CREB5: variants seen among roughly 807,000 people sequenced by gnomAD.
The protein encoded by CREB5 is cyclic AMP-responsive element-binding protein 5.
CREB5 carries 19 observed loss-of-function variants against 57.1 expected under a neutral mutation model. That is an observed-to-expected ratio of 0.33 (90% CI 0.23 to 0.49). The LOEUF is 0.49. Among genes scored for constraint, CREB5 ranks in the 20% least tolerant of loss-of-function variants. The pLI is 0.99. For missense variants in CREB5, 579 were observed against 671.6 expected (o/e 0.86, Z 1.52); for synonymous variants, 238 against 238.3 (o/e 1.00, Z 0.01).
In CREB5 at chr7:28,421,769, C is replaced by CTATATA. The variant is rs151244858; in HGVS notation, c.3+8861_3+8866dup. 2.5e-3 allele frequency among the ~76,000 whole-genome samples: 242 copies of CTATATA among 98,370 alleles called. 1 individual carries two copies. The highest frequency in any genetic ancestry group is 6.6e-3 in the African/African-American group (227 of 34,500). 64.5% of individuals were successfully genotyped at this position (98,370 alleles called of 152,430 possible). A position where few individuals can be genotyped will look rare whatever the true frequency, so the allele number is the denominator to read the frequency against. The stretch of plus-strand genomic sequence containing the variant: ...CCATATATATATACATACACACACA[C>CTATATA]TATATATATATATACCATATATATA... On this transcript the variant is annotated intron_variant, in intron 1 of 10. Transcript: ENST00000357727.
At chr7:28,737,558 T>C (rs866333372) in intron 7 of CREB5, among the ~76,000 whole-genome samples, 5 of 82,768 alleles carry the variant, frequency 6.0e-5, no homozygotes, top group Admixed American at 1.2e-4. Context: ...TATATATATA[T>C]ATATATATAT....
At chr7:28,439,445 A>G (rs1362720490) in intron 1 of CREB5, among the ~76,000 whole-genome samples, 2 of 152,156 alleles carry the variant, frequency 1.3e-5, no homozygotes, top group African/African-American at 4.8e-5. Flanking sequence ...TCTCTGCTCA[A>G]TCTTTGTTGG....
chr7:28,592,243 A>G (rs1293737866), intron 5 of CREB5, among the ~76,000 whole-genome samples: 1 of 152,194 alleles, frequency 6.6e-6, no homozygotes, highest in Non-Finnish European at 1.5e-5. Flanking sequence ...AACGCTTTTA[A>G]CAGTTAAACC....
chr7:28,488,103 C>A (rs996002822), intron 1 of CREB5, 72 bp from the exon 2 acceptor site: 6 of 1,389,902 alleles, frequency 4.3e-6, no homozygotes, highest in South Asian at 1.2e-5. Context: ...GCCTTTCTCA[C>A]GTTGCTCAGG....
intron 5 of CREB5, among the ~76,000 whole-genome samples, chr7:28,670,671 C>T (rs1292396233): frequency 6.6e-6 from 1 of 152,170 alleles, no homozygotes; most frequent in African/African-American, 2.4e-5. Context: ...CTACATATCT[C>T]CCATGTGCCA....
intron 4 of CREB5, among the ~76,000 whole-genome samples, chr7:28,511,871 G>C (rs76137800): frequency 6.6e-6 from 1 of 152,292 alleles, no homozygotes; most frequent in South Asian, 2.1e-4. Context: ...GCAAACTATC[G>C]AAGAGCAGTG....
chr7:28,633,869 G>A (rs981298826), intron 5 of CREB5, among the ~76,000 whole-genome samples: 2 of 152,126 alleles, frequency 1.3e-5, no homozygotes, highest in Admixed American at 1.3e-4. Flanking sequence ...CAGTTATTGG[G>A]CAGCACAGAA....
intron 1 of CREB5, among the ~76,000 whole-genome samples, chr7:28,315,361 T>G (rs2127982612): frequency 6.6e-6 from 1 of 152,372 alleles, no homozygotes; most frequent in East Asian, 1.9e-4. Context: ...AAAGTCACTA[T>G]GATGACTCTG....
intron 5 of CREB5, among the ~76,000 whole-genome samples, chr7:28,606,107 G>T (rs1797123426): frequency 6.6e-6 from 1 of 152,078 alleles, no homozygotes; most frequent in African/African-American, 2.4e-5. Flanking sequence ...ATTGTCCTTT[G>T]ATCTTGCCCT....
intron 7 of CREB5, among the ~76,000 whole-genome samples, chr7:28,727,322 A>C (rs1305658393): frequency 1.3e-5 from 2 of 152,114 alleles, no homozygotes; most frequent in African/African-American, 4.8e-5. Flanking sequence ...CTGTCTTTCT[A>C]ACCTCTCAAC....
chr7:28,570,449 G>A lies in CREB5; in HGVS notation c.376G>A (p.Asp126Asn). 1.2e-6 allele frequency: 2 copies of A among 1,614,170 alleles called. No individual in the cohort carries two copies. Among genetic ancestry groups the A allele is most frequent in the Non-Finnish European group, 8.5e-7 (1 of 1,180,038 alleles). ...QLSSARLPNH[D>N]TNVVIQQAMP... ...TAGCAGCGCTCGGCTGCCCAACCAT[G>A]ACACCAACGTTGTGATTCAGCAAGC... Residue 126 changes from aspartate to asparagine, a missense_variant, in exon 5 of 11, where the codon GAC (aspartate) becomes AAC (asparagine). Transcript: ENST00000357727.
rs139479947 is a variant in CREB5, at chr7:28,338,901, A to C, written c.-25+39460A>C. ...TTTCTTCTGCTTGATCAGTTCTGCT[A>C]TTAAGAGACTGATGCGTTCTCCAGT... On this transcript the variant is annotated intron_variant, in intron 1 of 9. Transcript: ENST00000396299. Among the ~76,000 whole-genome samples, 1,195 of 152,024 alleles carry C rather than the reference A, an allele frequency of 7.9e-3. 7 individuals carry two copies. The highest frequency in any genetic ancestry group is 8.9e-3 in the Non-Finnish European group (602 of 67,990).
chr7:28,662,416 A>C lies in CREB5; in HGVS notation c.465-56337A>C, dbSNP rs568016646. Among the ~76,000 whole-genome samples, 19 of 152,300 alleles carry C rather than the reference A, an allele frequency of 1.2e-4. No individual in the cohort carries two copies. In the South Asian group the frequency reaches 3.9e-3, roughly 32 times the overall value. ...AGCTACTGAGAGGAGTTCCAAACGCAATGTGGGTTAAGTGCGCTCTCGTGC... is the reference window on the plus strand; with the variant it reads ...AGCTACTGAGAGGAGTTCCAAACGCCATGTGGGTTAAGTGCGCTCTCGTGC... On this transcript the variant is annotated intron_variant, in intron 5 of 10. Transcript: ENST00000357727.
chr7:28,802,738 A>G (rs182892313), intron 7 of CREB5, among the ~76,000 whole-genome samples: 2 of 152,392 alleles, frequency 1.3e-5, no homozygotes, highest in East Asian at 3.9e-4. Context: ...TAAGCTGATT[A>G]TCAACTGAAT....
Position 28,819,188 on chromosome 7 carries a change from T to A in CREB5, c.1436T>A (p.Ile479Asn). The part of the protein sequence containing the change: ...SQQQVIQHNT[I>N]TTSSSVSEVV... ...CAACAAGTCATCCAGCATAATACCATCACTACTTCCTCATCGGTCAGCGAG... is the reference window on the plus strand; with the variant it reads ...CAACAAGTCATCCAGCATAATACCAACACTACTTCCTCATCGGTCAGCGAG... The change falls in exon 11 of 11, where the codon ATC becomes AAC. Residue 479 changes from isoleucine to asparagine, a missense_variant. By Grantham distance (149) the Ile-to-Asn change is moderately radical (BLOSUM62 -3). Transcript: ENST00000357727. 2 of 1,613,848 alleles carry A rather than the reference T, an allele frequency of 1.2e-6. No individual in the cohort carries two copies. Among genetic ancestry groups the A allele is most frequent in the Non-Finnish European group, 8.5e-7 (1 of 1,179,880 alleles).
intron 5 of CREB5, among the ~76,000 whole-genome samples, chr7:28,713,064 AT>A (rs947078555): frequency 1.3e-5 from 2 of 151,994 alleles, no homozygotes; most frequent in African/African-American, 4.8e-5. Flanking sequence ...TTTATTTTTT[AT>A]TTTTTGAAAT....
intron 4 of CREB5, among the ~76,000 whole-genome samples, chr7:28,509,854 C>T (rs1436692892): frequency 6.6e-6 from 1 of 152,114 alleles, no homozygotes; most frequent in Non-Finnish European, 1.5e-5. Context: ...CTAGGGCCAG[C>T]ATCTCAGGAC....
At chr7:28,611,576 G>A (rs916642311) in intron 5 of CREB5, among the ~76,000 whole-genome samples, 5 of 150,256 alleles carry the variant, frequency 3.3e-5, no homozygotes, top group Non-Finnish European at 4.4e-5. Flanking sequence ...TCAGGAAGCT[G>A]AGGTATGAGA....
chr7:28,690,761 G>A (rs1162392893), intron 5 of CREB5, among the ~76,000 whole-genome samples: 1 of 152,202 alleles, frequency 6.6e-6, no homozygotes, highest in East Asian at 1.9e-4. Context: ...AGCAGTCCCT[G>A]CTGCAGGTAC....
Sources: gnomAD v4.1 joint callset for allele counts (sites outside exome capture counted in the v4.1 genomes callset) on GRCh38, gnomAD v4.1.1 for gene constraint, MANE v1.5 for transcripts, NCBI Gene and HGNC (gene_info 2026-07-23, HGNC 2026-07-21) for gene names.